The following PAFAH1B1 variants were observed in gnomAD, a reference collection of about 807,000 sequenced individuals.
The protein encoded by PAFAH1B1 is platelet activating factor acetylhydrolase 1b regulatory subunit 1, also known as platelet-activating factor acetylhydrolase IB subunit beta.
A neutral mutation model predicts 57.5 loss-of-function variants in PAFAH1B1; 2 were observed. The observed-to-expected ratio is 0.03, with a 90% CI of 0.01 to 0.11. The LOEUF is 0.11. PAFAH1B1 is among the 10% of genes least tolerant of loss of function. The pLI, the probability that PAFAH1B1 is intolerant of heterozygous loss-of-function variation, is 1.00. For synonymous variants in PAFAH1B1, 152 were observed against 169.6 expected, an observed-to-expected ratio of 0.90 and a Z score of 0.81; for missense variants, 257 against 512.0, an observed-to-expected ratio of 0.50 and a Z score of 4.81.
At chr17:2,612,646 TC>T (rs1309813776) in intron 1 of PAFAH1B1, among the ~76,000 whole-genome samples, 2 of 152,128 alleles carry the variant, frequency 1.3e-5, no homozygotes, top group African/African-American at 4.8e-5. Flanking sequence ...GGGGACTCTG[TC>T]CCCCAAGCTG....
In PAFAH1B1 at chr17:2,666,005, AT is replaced by A; in HGVS notation, c.118-7del. 1 of 1,481,110 alleles carries A rather than the reference AT, an allele frequency of 6.8e-7. No individual in the cohort carries two copies. The highest frequency in any genetic ancestry group is 9.2e-7 in the Non-Finnish European group (1 of 1,088,364). 91.7% of individuals were successfully genotyped at this position (1,481,110 alleles called of 1,614,324 possible). On this transcript the variant is annotated splice_polypyrimidine_tract_variant and intron_variant, in intron 3 of 10. Coordinates refer to ENST00000397195, the MANE Select transcript of PAFAH1B1 (RefSeq NM_000430.4). The stretch of plus-strand genomic sequence containing the variant: ...GCCATTTTTTAAAAATTCTAAATTT[AT>A]TTTCTCTAGAATGAAGAATTAGATA...
chr17:2,649,073 G>T lies in PAFAH1B1; in HGVS notation c.32+10753G>T, dbSNP rs1470257387. Among the ~76,000 whole-genome samples the T allele has an allele frequency of 1.1e-4, 17 of 151,628 alleles. 1 individual carries two copies. The highest frequency in any genetic ancestry group is 1.1e-3 in the Admixed American group (17 of 15,188). On this transcript the variant is annotated intron_variant, in intron 2 of 10. Coordinates refer to ENST00000397195, the MANE Select transcript of PAFAH1B1 (RefSeq NM_000430.4). ...AATTAATGGTTTCAGGGCCAGGTGG[G>T]GGTGGCTCACACCTGTAACCCGAGC...
chr17:2,670,438 C>A, intron 6 of PAFAH1B1, 107 bp downstream of exon 6: 1 of 1,077,506 alleles, frequency 9.3e-7, no homozygotes, highest in Non-Finnish European at 1.4e-6. Flanking sequence ...TCTTAATTGT[C>A]AGTATTGGTG....
At chr17:2,658,442 A>G (rs1214491143) in intron 2 of PAFAH1B1, among the ~76,000 whole-genome samples, 2 of 152,178 alleles carry the variant, frequency 1.3e-5, no homozygotes, top group East Asian at 1.9e-4. Flanking sequence ...ACAGTAATGC[A>G]TATTTTTTGT....
At chr17:2,668,719 T>C in intron 5 of PAFAH1B1, among the ~76,000 whole-genome samples, 1 of 151,442 alleles carries the variant, frequency 6.6e-6, no homozygotes. Context: ...CTCATGCCTG[T>C]AATCCCAGCA....
At chr17:2,664,665 G>GCGCTCTCTCTCTCTCTCTCTCTCT in intron 2 of PAFAH1B1, among the ~76,000 whole-genome samples, 44 of 86,084 alleles carry the variant, frequency 5.1e-4, no homozygotes, top group African/African-American at 1.3e-3. Flanking sequence ...TCTATCTATC[G>GCGCTCTCTCTCTCTCTCTCTCTCT]CTCTCTCTCT....
intron 2 of PAFAH1B1, chr17:2,641,578 C>T (rs2064875668): frequency 6.6e-6 from 1 of 152,182 alleles, no homozygotes. Flanking sequence ...AGAGCCCCCT[C>T]AGTTGATGCT....
At chr17:2,636,321 C>CT (rs1386145045) in intron 1 of PAFAH1B1, among the ~76,000 whole-genome samples, 2 of 152,038 alleles carry the variant, frequency 1.3e-5, no homozygotes, top group Non-Finnish European at 2.9e-5. Flanking sequence ...CAGAAGAATC[C>CT]TTAAGGATTA....
chr17:2,637,963 A>G (rs1184045322), intron 1 of PAFAH1B1, 136 bp from the exon 2 acceptor site: 3 of 423,468 alleles, frequency 7.1e-6, no homozygotes, highest in East Asian at 3.4e-5. Flanking sequence ...GACTTTCACT[A>G]TAAGTGGAAA....
At chr17:2,660,412 C>T (rs1329877245) in intron 2 of PAFAH1B1, among the ~76,000 whole-genome samples, 1 of 152,070 alleles carries the variant, frequency 6.6e-6, no homozygotes, top group African/African-American at 2.4e-5. Context: ...ACCCCCACCC[C>T]CACCAACAGG....
At chr17:2,626,251 C>CA (rs1292636891) in intron 1 of PAFAH1B1, among the ~76,000 whole-genome samples, 287 of 132,548 alleles carry the variant, frequency 2.2e-3, no homozygotes, top group African/African-American at 5.1e-3. Flanking sequence ...GACTCCGTCT[C>CA]AAAAAAAAAA....
chr17:2,680,101 T>G (rs1429671380), intron 9 of PAFAH1B1, 63 bp from the exon 10 acceptor site: 2 of 1,393,936 alleles, frequency 1.4e-6, no homozygotes, highest in South Asian at 1.2e-5. Flanking sequence ...TATCGTATTA[T>G]GAAATAGATG....
At position 2,682,861 on chromosome 17, in the gene PAFAH1B1, GC is replaced by G. The variant is rs1440111926; in HGVS notation, c.*1060del. On this transcript the variant is annotated 3_prime_UTR_variant, in exon 11 of 11. Transcript: ENST00000397195. ...AAAATGACAGGGTTTAATGGAGCGTGCATAAAAATGTACTGTTTTCACCTTT... is the reference window on the plus strand; with the variant it reads ...AAAATGACAGGGTTTAATGGAGCGTGATAAAAATGTACTGTTTTCACCTTT... 1 of 152,624 alleles carries G rather than the reference GC, an allele frequency of 6.6e-6. No homozygotes were observed. Among genetic ancestry groups the G allele is most frequent in the African/African-American group, 2.4e-5 (1 of 41,436 alleles). The allele number at this position is 152,624 out of a possible 1,614,324, so 9.5% of individuals were successfully genotyped here.
intron 2 of PAFAH1B1, among the ~76,000 whole-genome samples, chr17:2,655,837 T>C (rs561316147): frequency 6.6e-6 from 1 of 152,032 alleles, no homozygotes; most frequent in Non-Finnish European, 1.5e-5. Context: ...GGAAACTACA[T>C]TGAGAAAGTT....
chr17:2,677,490 A>G (rs2069288253), intron 9 of PAFAH1B1, among the ~76,000 whole-genome samples: 1 of 152,166 alleles, frequency 6.6e-6, no homozygotes, highest in South Asian at 2.1e-4. Context: ...TGCTAATGAT[A>G]CCTTGAAGTG....
In PAFAH1B1 at chr17:2,679,181, A is replaced by G. The variant is rs117698371; in HGVS notation, c.1003-983A>G. ...GCTTTGTAGCAAACCTTTAATTTAG[A>G]AAGTATGTGATCCTTGCTTATGTTG... On this transcript the variant is annotated intron_variant, in intron 9 of 10. Transcript: ENST00000397195. 1.2e-3 allele frequency among the ~76,000 whole-genome samples: 189 copies of G among 152,368 alleles called. 1 individual carries two copies. The highest frequency in any genetic ancestry group is 1.9e-3 in the Non-Finnish European group (127 of 68,042).
chr17:2,676,479 CTTAATT>C lies in PAFAH1B1; in HGVS notation c.901-23_901-18del. On this transcript the variant is annotated intron_variant, in intron 8 of 10. Transcript: ENST00000397195. ...CATACCTAACTTCTTGTGTGGGAAA[CTTAATT>C]TTTATTATGTTTTCTGTAGACTAAA... is the stretch of plus-strand genomic sequence containing the variant. 1 of 1,448,734 alleles carries C rather than the reference CTTAATT, an allele frequency of 6.9e-7. No individual in the cohort carries two copies. The highest frequency in any genetic ancestry group is 9.7e-7 in the Non-Finnish European group (1 of 1,030,810). 89.7% of individuals were successfully genotyped at this position (1,448,734 alleles called of 1,614,324 possible).
At chr17:2,677,765 A>T (rs1003896094) in intron 9 of PAFAH1B1, among the ~76,000 whole-genome samples, 4 of 151,560 alleles carry the variant, frequency 2.6e-5, no homozygotes, top group Admixed American at 1.3e-4. Flanking sequence ...GAGGCAGGAG[A>T]ATGGCGTGAA....
chr17:2,651,037 C>A (rs1000742878), intron 2 of PAFAH1B1, among the ~76,000 whole-genome samples: 1 of 152,052 alleles, frequency 6.6e-6, no homozygotes, highest in South Asian at 2.1e-4. Flanking sequence ...TTTCTTAAGA[C>A]CTTTTTGTTT....
Sources: gnomAD v4.1 joint callset for allele counts (sites outside exome capture counted in the v4.1 genomes callset) on GRCh38, gnomAD v4.1.1 for gene constraint, MANE v1.5 for transcripts, NCBI Gene and HGNC (gene_info 2026-07-23, HGNC 2026-07-21) for gene names.